The following PTGR1 variants were observed in gnomAD, a reference collection of about 807,000 sequenced individuals.
PTGR1 encodes the protein 15-oxoprostaglandin 13-reductase.
In PTGR1, 23 loss-of-function variants were observed where a neutral mutation model predicts 37.7. The observed-to-expected ratio is 0.61, with a 90% CI of 0.44 to 0.86. PTGR1 has a LOEUF of 0.86. Among genes scored for constraint, PTGR1 ranks in the 40% least tolerant of loss-of-function variants. The probability of loss-of-function intolerance (pLI) is 0.00; values close to 1 mark genes in which losing one functional copy is unlikely to be tolerated. For synonymous variants in PTGR1, 134 were observed against 140.0 expected, an observed-to-expected ratio of 0.96 and a Z score of 0.30; for missense variants, 351 against 394.3, an observed-to-expected ratio of 0.89 and a Z score of 0.93.
chr9:111,596,877 A>C lies in PTGR1; in HGVS notation c.106+440T>G, dbSNP rs543608024. Among the ~76,000 whole-genome samples the C allele has an allele frequency of 3.5e-4, 53 of 150,698 alleles. No individual in the cohort carries two copies. In the South Asian group the frequency reaches 0.011, roughly 31 times the overall value. On this transcript the variant is annotated intron_variant, in intron 2 of 9. Transcript: ENST00000407693. ...AGAAGGCAGAGGTTGCAGTGAGCCA[A>C]AATCATGCCACTGCACTCCAACCTG... is the stretch of plus-strand genomic sequence containing the variant.
intron 7 of PTGR1, among the ~76,000 whole-genome samples, chr9:111,578,138 G>GTA (rs1267803774): frequency 5.3e-5 from 8 of 152,010 alleles, no homozygotes; most frequent in Admixed American, 5.2e-4. Context: ...TTTAAAAAAG[G>GTA]CATATATACT....
Position 111,562,616 on chromosome 9 carries a change from G to C in PTGR1, c.*505C>G, listed in dbSNP as rs1828364835. ...TAATTTTATTTTATTTTCAGTTCCGGGATAATTGTGTGGAATGTGCAGGTT... is the reference window on the plus strand; with the variant it reads ...TAATTTTATTTTATTTTCAGTTCCGCGATAATTGTGTGGAATGTGCAGGTT... On this transcript the variant is annotated 3_prime_UTR_variant, in exon 10 of 10. Coordinates refer to ENST00000407693, the MANE Select transcript of PTGR1 (RefSeq NM_001146108.2). The C allele has an allele frequency of 6.6e-6, 1 of 152,016 alleles. No homozygotes were observed. Among genetic ancestry groups the C allele is most frequent in the African/African-American group, 2.4e-5 (1 of 41,358 alleles). 9.4% of individuals were successfully genotyped at this position (152,016 alleles called of 1,614,324 possible). A position where few individuals can be genotyped will look rare whatever the true frequency, so the allele number is the denominator to read the frequency against.
intron 6 of PTGR1, among the ~76,000 whole-genome samples, chr9:111,580,456 C>G (rs1829245300): frequency 6.6e-6 from 1 of 152,098 alleles, no homozygotes; most frequent in Non-Finnish European, 1.5e-5. Context: ...AACCAAACAG[C>G]CTTAAAATCC....
At chr9:111,561,006 GAGA>G (rs1828280801), downstream of PTGR1, among the ~76,000 whole-genome samples, 1 of 97,314 alleles carries the variant, frequency 1.0e-5, no homozygotes, top group Non-Finnish European at 2.0e-5. Context: ...GAGAGAGAGA[GAGA>G]GAGAGAGAGG....
intron 9 of PTGR1, among the ~76,000 whole-genome samples, chr9:111,555,505 T>A (rs908427058): frequency 6.6e-6 from 1 of 152,190 alleles, no homozygotes; most frequent in Non-Finnish European, 1.5e-5. Flanking sequence ...CTCACACTGC[T>A]ATAAGGAACT....
At chr9:111,569,775 T>G (rs1011747361) in intron 9 of PTGR1, 3 of 339,192 alleles carry the variant, frequency 8.8e-6, no homozygotes, top group Non-Finnish European at 1.7e-5. Flanking sequence ...GCCTCATATG[T>G]GGGTTTAAGG....
chr9:111,567,554 G>A (rs2132335482), intron 9 of PTGR1, among the ~76,000 whole-genome samples: 1 of 150,742 alleles, frequency 6.6e-6, no homozygotes, highest in African/African-American at 2.5e-5. Context: ...AGGGGTGGAG[G>A]AGACTGGGCC....
intron 6 of PTGR1, 21 bp from the exon 7 acceptor site, chr9:111,578,972 A>AAAAG: frequency 6.4e-7 from 1 of 1,567,804 alleles, no homozygotes; most frequent in Non-Finnish European, 8.6e-7. Context: ...AAAAAAAAAA[A>AAAAG]AAGGAAACCA....
chr9:111,576,096 G>A (rs932460043), intron 7 of PTGR1, among the ~76,000 whole-genome samples: 3 of 151,830 alleles, frequency 2.0e-5, no homozygotes, highest in African/African-American at 7.3e-5. Flanking sequence ...GGAGGTCAAG[G>A]CTGCAGTGAG....
chr9:111,584,985 C>T (rs748360731), intron 5 of PTGR1, among the ~76,000 whole-genome samples: 2 of 151,962 alleles, frequency 1.3e-5, no homozygotes, highest in African/African-American at 2.4e-5. Flanking sequence ...CAATAAAATC[C>T]AGACCCATTA....
rs564953484 is a variant in PTGR1, at chr9:111,586,282, C to A, written c.210-117G>T. 8.2e-6 allele frequency: 8 copies of A among 978,420 alleles called. No individual in the cohort carries two copies. The East Asian group carries it at 9.8e-5, about 12-fold the overall frequency. The allele number at this position is 978,420 out of a possible 1,614,324, so 60.6% of individuals were successfully genotyped here. A position where few individuals can be genotyped will look rare whatever the true frequency, so the allele number is the denominator to read the frequency against. ...GTGCACTGAGGTTGATATTCCACAA[C>A]TGATAGTCCACCACCCCTCTCCATC... is the stretch of plus-strand genomic sequence containing the variant. On this transcript the variant is annotated intron_variant, in intron 4 of 9. Transcript: ENST00000407693.
intron 6 of PTGR1, among the ~76,000 whole-genome samples, chr9:111,582,732 C>T (rs1829320181): frequency 6.6e-6 from 1 of 152,144 alleles, no homozygotes; most frequent in Non-Finnish European, 1.5e-5. Context: ...ATTTGTATTC[C>T]AAGCTTCTAT....
At position 111,586,096 on chromosome 9, in the gene PTGR1, C is replaced by A. The variant is rs368370000; in HGVS notation, c.279G>T (p.Thr93=). ...TIVLASPGWT[T]HSISDGKDLE... ...GATCTTTCCCATCAGAAATGGAGTG[C>A]GTTGTCCAGCCTGGAGAAGCCAGTA... The change falls in exon 5 of 10, where the codon ACG becomes ACT. Residue 93 remains threonine, a synonymous_variant. Transcript: ENST00000407693. 2 of 1,614,140 alleles carry A rather than the reference C, an allele frequency of 1.2e-6. No homozygotes were observed. The highest frequency in any genetic ancestry group is 1.7e-6 in the Non-Finnish European group (2 of 1,180,000).
At chr9:111,578,336 A>G (rs1429233082) in intron 7 of PTGR1, among the ~76,000 whole-genome samples, 1 of 147,386 alleles carries the variant, frequency 6.8e-6, no homozygotes, top group Non-Finnish European at 1.5e-5. Flanking sequence ...TATTATTGCA[A>G]TGTAATATAC....
chr9:111,552,330 T>G (rs1827992061), intron 9 of PTGR1, among the ~76,000 whole-genome samples: 1 of 152,246 alleles, frequency 6.6e-6, no homozygotes, highest in Non-Finnish European at 1.5e-5. Flanking sequence ...TTCTATAGCT[T>G]TTGTGCATAT....
chr9:111,577,123 A>G (rs557971796), intron 7 of PTGR1: 1 of 152,242 alleles, frequency 6.6e-6, no homozygotes, highest in African/African-American at 2.4e-5. Flanking sequence ...CTCACAAATA[A>G]CCTAGTTCAA....
In PTGR1 at chr9:111,555,286, A is replaced by G. The variant is rs540595737; in HGVS notation, c.880-5487T>C. The stretch of plus-strand genomic sequence containing the variant: ...TGATAATCACCTGGCAAAATAAGGT[A>G]GGAGTGGCATTTTGAGCTCAAACTG... On this transcript the variant is annotated intron_variant, in intron 9 of 9. Coordinates refer to the PTGR1 transcript ENST00000538962. 2.6e-5 allele frequency among the ~76,000 whole-genome samples: 4 copies of G among 152,298 alleles called. No individual in the cohort carries two copies. The South Asian group carries it at 8.3e-4, about 32-fold the overall frequency.
chr9:111,588,895 C>T (rs1179176305), intron 4 of PTGR1, among the ~76,000 whole-genome samples: 1 of 152,176 alleles, frequency 6.6e-6, no homozygotes, highest in Admixed American at 6.5e-5. Context: ...CCTAGATCCA[C>T]CCACCTCGAC....
intron 5 of PTGR1, among the ~76,000 whole-genome samples, chr9:111,583,935 A>G (rs1490632163): frequency 6.6e-6 from 1 of 152,206 alleles, no homozygotes; most frequent in African/African-American, 2.4e-5. Flanking sequence ...TATAAGTTCT[A>G]TGTAGATGAT....
Sources: gnomAD v4.1 joint callset for allele counts (sites outside exome capture counted in the v4.1 genomes callset) on GRCh38, gnomAD v4.1.1 for gene constraint, MANE v1.5 for transcripts, NCBI Gene and HGNC (gene_info 2026-07-23, HGNC 2026-07-21) for gene names.